ATP5MJ: variants seen among roughly 807,000 people sequenced by gnomAD.
The protein encoded by ATP5MJ is ATP synthase F(0) complex subunit j, mitochondrial.
In ATP5MJ, 4 loss-of-function variants were observed where a neutral mutation model predicts 8.3. The ratio of observed to expected loss-of-function variants is 0.48; its 90% CI spans 0.24 to 1.11. The LOEUF (loss-of-function observed/expected upper bound fraction) is 1.11. Among genes scored for constraint, ATP5MJ ranks in the 50% least tolerant of loss-of-function variants. ATP5MJ has a pLI of 0.18. For missense variants in ATP5MJ, 66 were observed against 71.8 expected (o/e 0.92, Z 0.29); for synonymous variants, 23 against 21.3 (o/e 1.08, Z -0.23).
intron 2 of ATP5MJ, chr14:103,914,298 TCTA>T: frequency 1.8e-6 from 1 of 560,552 alleles, no homozygotes; most frequent in South Asian, 2.6e-5. Flanking sequence ...ACTGCTCTGC[TCTA>T]CTGAGAACCA....
intron 2 of ATP5MJ, 86 bp from the exon 3 acceptor site, chr14:103,914,070 T>C (rs1409268863): frequency 1.6e-6 from 2 of 1,280,866 alleles, no homozygotes; most frequent in East Asian, 2.3e-5. Flanking sequence ...GCTGAAGGCA[T>C]TGTAGCTTAG....
intron 1 of ATP5MJ, among the ~76,000 whole-genome samples, chr14:103,919,835 C>CCT (rs1567187072): frequency 6.9e-6 from 1 of 145,652 alleles, no homozygotes; most frequent in Admixed American, 6.8e-5. Flanking sequence ...AGGGCCCCCC[C>CCT]TTTTTTTTTT....
At chr14:103,918,348 T>A (rs1214049021) in intron 1 of ATP5MJ, among the ~76,000 whole-genome samples, 3 of 151,036 alleles carry the variant, frequency 2.0e-5, no homozygotes, top group Non-Finnish European at 4.4e-5. Context: ...CCTTTAGCTG[T>A]TGTTTCAGAG....
intron 2 of ATP5MJ, chr14:103,914,837 C>CAAAAAAAAAAAAAAAAAAAA (rs35916279): frequency 2.3e-4 from 44 of 191,064 alleles, no homozygotes; most frequent in South Asian, 7.3e-4. Context: ...AGACTGTCTC[C>CAAAAAAAAAAAAAAAAAAAA]AAAAAAAAAA....
intron 1 of ATP5MJ, chr14:103,921,044 T>A: frequency 1.3e-6 from 2 of 1,551,542 alleles, no homozygotes; most frequent in South Asian, 1.2e-5. Context: ...CAAGTTGTCA[T>A]GTACAGCATA....
intron 1 of ATP5MJ, among the ~76,000 whole-genome samples, chr14:103,915,700 G>A (rs2087620453): frequency 6.7e-6 from 1 of 149,204 alleles, no homozygotes; most frequent in African/African-American, 2.5e-5. Context: ...CATTGGTCAG[G>A]CTGGTCTCAA....
chr14:103,914,837 C>CAAAAAGGAAAAAAAAAAAAAA (rs370479683), intron 2 of ATP5MJ: 32 of 191,066 alleles, frequency 1.7e-4, no homozygotes, highest in Admixed American at 1.3e-3. Context: ...AGACTGTCTC[C>CAAAAAGGAAAAAAAAAAAAAA]AAAAAAAAAA....
At chr14:103,921,284 C>A in intron 1 of ATP5MJ, 186 bp downstream of exon 1, 2 of 411,960 alleles carry the variant, frequency 4.9e-6, no homozygotes, top group South Asian at 3.3e-5. Context: ...CAGGCCTAGG[C>A]GATGCTTCCC....
At chr14:103,914,848 A>AAAAAAAAAAAAAAAAC in intron 2 of ATP5MJ, 1 of 438,452 alleles carries the variant, frequency 2.3e-6, no homozygotes, top group Non-Finnish European at 3.8e-6. Context: ...AAAAAAAAAA[A>AAAAAAAAAAAAAAAAC]AAAAAAAAAG....
rs775290634 is a variant in ATP5MJ at position 103,912,555 on chromosome 14, C to T, written c.*111G>A. 3.3e-4 allele frequency: 367 copies of T among 1,097,366 alleles called. No individual in the cohort carries two copies. The highest frequency in any genetic ancestry group is 4.8e-4 in the Non-Finnish European group (352 of 728,802). 68.0% of individuals were successfully genotyped at this position (1,097,366 alleles called of 1,614,324 possible). ...CCATTTATTCATGCCATGAAGTAAA[C>T]GGTACTTATACAAGTGTACAGTGAC... On this transcript the variant is annotated 3_prime_UTR_variant, in exon 4 of 4. Coordinates refer to ENST00000286953, the MANE Select transcript of ATP5MJ (RefSeq NM_004894.3).
rs771612553 is a variant in ATP5MJ at position 103,912,699 on chromosome 14, T to C, written c.149-5A>G. The stretch of plus-strand genomic sequence containing the variant: ...GACCAGGAGCAGGCGCTGAAGCTTT[T>C]GAAAGAGATGCATATATAAATATGA... On this transcript the variant is annotated splice_region_variant and splice_polypyrimidine_tract_variant and intron_variant, in intron 3 of 3. Transcript: ENST00000286953. 12 of 1,613,330 alleles carry C rather than the reference T, an allele frequency of 7.4e-6. No individual in the cohort carries two copies. In the East Asian group the frequency reaches 2.5e-4, roughly 33 times the overall value.
chr14:103,920,651 T>C (rs573112141), intron 1 of ATP5MJ, among the ~76,000 whole-genome samples: 1 of 149,898 alleles, frequency 6.7e-6, no homozygotes, highest in Admixed American at 6.7e-5. Flanking sequence ...TTTGTATTTT[T>C]AGTAGAGACG....
intron 3 of ATP5MJ, chr14:103,913,124 G>C (rs2087593709): frequency 6.3e-6 from 1 of 157,882 alleles, no homozygotes; most frequent in African/African-American, 2.4e-5. Flanking sequence ...TGAGGTAGGA[G>C]TTTGAAACCA....
chr14:103,917,912 C>T (rs569612474), intron 1 of ATP5MJ: 1 of 152,340 alleles, frequency 6.6e-6, no homozygotes, highest in South Asian at 2.1e-4. Context: ...CTCCTGATGA[C>T]GAGAACCTAC....
intron 1 of ATP5MJ, among the ~76,000 whole-genome samples, chr14:103,916,852 A>G (rs1045725391): frequency 6.6e-6 from 1 of 152,074 alleles, no homozygotes; most frequent in African/African-American, 2.4e-5. Context: ...TCAGGATCCA[A>G]AGAATCCGAA....
At chr14:103,919,895 C>A (rs2087659744) in intron 1 of ATP5MJ, among the ~76,000 whole-genome samples, 1 of 151,648 alleles carries the variant, frequency 6.6e-6, no homozygotes, top group Non-Finnish European at 1.5e-5. Flanking sequence ...GGTGCGATCG[C>A]GGCTCACTGC....
At chr14:103,914,537 C>A (rs371310123) in intron 2 of ATP5MJ, 2 of 690,676 alleles carry the variant, frequency 2.9e-6, no homozygotes, top group East Asian at 2.7e-5. Context: ...TTGTGGCTCA[C>A]GCTTGTTAAT....
chr14:103,914,859 AAAAG>A, intron 2 of ATP5MJ: 1 of 470,684 alleles, frequency 2.1e-6, no homozygotes, highest in South Asian at 3.9e-5. Flanking sequence ...AAAAAAAAAG[AAAAG>A]AAAAGAAAAA....
intron 3 of ATP5MJ, chr14:103,913,576 A>C: frequency 6.3e-6 from 2 of 316,144 alleles, no homozygotes; most frequent in Non-Finnish European, 1.1e-5. Flanking sequence ...GCAGCACTGC[A>C]GTCCAGCCTG....
Sources: gnomAD v4.1 joint callset for allele counts (sites outside exome capture counted in the v4.1 genomes callset) on GRCh38, gnomAD v4.1.1 for gene constraint, MANE v1.5 for transcripts, NCBI Gene and HGNC (gene_info 2026-07-23, HGNC 2026-07-21) for gene names.